Variants in PARD3B observed in about 807,000 individuals in gnomAD.
PARD3B encodes par-3 family cell polarity regulator beta.
A neutral mutation model predicts 130.2 loss-of-function variants in PARD3B; 103 were observed. The observed-to-expected ratio is 0.79, with a 90% CI of 0.67 to 0.93. The LOEUF (loss-of-function observed/expected upper bound fraction) is 0.93. Among genes scored for constraint, PARD3B ranks in the 40% least tolerant of loss-of-function variants. The pLI, the probability that PARD3B is intolerant of heterozygous loss-of-function variation, is 0.00. For missense variants in PARD3B, 1,609 were observed against 1,499.2 expected (o/e 1.07, Z -1.21); for synonymous variants, 583 against 553.2 (o/e 1.05, Z -0.76).
At chr2:205,482,822 T>A (rs1330096014) in intron 20 of PARD3B, 1 of 152,184 alleles carries the variant, frequency 6.6e-6, no homozygotes, top group Admixed American at 6.6e-5. Flanking sequence ...GACGTCACCA[T>A]GCGGCTGATT....
intron 2 of PARD3B, among the ~76,000 whole-genome samples, chr2:204,817,970 C>A (rs1228101820): frequency 6.6e-6 from 1 of 152,066 alleles, no homozygotes; most frequent in African/African-American, 2.4e-5. Flanking sequence ...TTCCTCTAGG[C>A]CAGAAGGAAA....
chr2:205,589,474 G>A lies in PARD3B; in HGVS notation c.3261-25982G>A, dbSNP rs530397209. On this transcript the variant is annotated intron_variant, in intron 22 of 22. Coordinates refer to ENST00000406610, the MANE Select transcript of PARD3B (RefSeq NM_001302769.2). The surrounding 1 kb of genome is among the most constrained non-coding windows in gnomAD (Gnocchi z 4.1). ...TGCTGTCTCTAAACAGAGAGATGCA[G>A]ACAGAGATGAGGAACTAATCAAGGT... 2.0e-5 allele frequency among the ~76,000 whole-genome samples: 3 copies of A among 152,162 alleles called. No homozygotes were observed. Among genetic ancestry groups the A allele is most frequent in the Non-Finnish European group, 4.4e-5 (3 of 68,046 alleles).
intron 2 of PARD3B, among the ~76,000 whole-genome samples, chr2:204,838,097 CA>C (rs923203327): frequency 3.6e-4 from 55 of 152,216 alleles, no homozygotes; most frequent in Admixed American, 7.9e-4. Flanking sequence ...GCTATGAAAC[CA>C]GTAAGATTCT....
At chr2:205,024,646 G>T (rs955065322) in intron 3 of PARD3B, among the ~76,000 whole-genome samples, 1 of 152,186 alleles carries the variant, frequency 6.6e-6, no homozygotes, top group African/African-American at 2.4e-5. Flanking sequence ...CTAGACCAAG[G>T]TTAGAAGAAG....
intron 2 of PARD3B, among the ~76,000 whole-genome samples, chr2:204,749,761 C>T (rs2040387753): frequency 6.6e-6 from 1 of 152,152 alleles, no homozygotes; most frequent in South Asian, 2.1e-4. Flanking sequence ...ATAATACTTT[C>T]TACACCAGCT....
intron 12 of PARD3B, among the ~76,000 whole-genome samples, chr2:205,173,472 T>C (rs1020905985): frequency 6.6e-6 from 1 of 152,230 alleles, no homozygotes; most frequent in African/African-American, 2.4e-5. Flanking sequence ...GTGTCCTTGG[T>C]TTCCGCATGT....
At chr2:204,954,219 T>A (rs1690045917) in intron 2 of PARD3B, among the ~76,000 whole-genome samples, 1 of 152,196 alleles carries the variant, frequency 6.6e-6, no homozygotes, top group Admixed American at 6.6e-5. Flanking sequence ...CAGAAGGAGT[T>A]CAGCAGCTAA....
Position 204,815,684 on chromosome 2 carries a change from A to T in PARD3B, c.222+129402A>T, listed in dbSNP as rs569798884. Among the ~76,000 whole-genome samples the T allele has an allele frequency of 1.6e-4, 24 of 152,094 alleles. No homozygotes were observed. In the East Asian group the frequency reaches 4.1e-3, roughly 26 times the overall value. On this transcript the variant is annotated intron_variant, in intron 2 of 22. Transcript: ENST00000406610. ...TTAGTTTCCTTCTAAGTGCTGCTTT[A>T]GCAGCATCCCACTGACTTTGATATG... is the stretch of plus-strand genomic sequence containing the variant.
At chr2:205,145,163 T>A (rs752194952) in intron 10 of PARD3B, among the ~76,000 whole-genome samples, 27 of 152,126 alleles carry the variant, frequency 1.8e-4, no homozygotes, top group Non-Finnish European at 3.8e-4. Context: ...ACGGCACATA[T>A]ACCTAAACTT....
chr2:205,508,464 T>A (rs1469193753), intron 21 of PARD3B, among the ~76,000 whole-genome samples: 2 of 151,144 alleles, frequency 1.3e-5, no homozygotes, highest in Non-Finnish European at 2.9e-5. Context: ...CCCAGCTACA[T>A]GAGAGGCTGA....
intron 4 of PARD3B, among the ~76,000 whole-genome samples, chr2:205,086,771 C>T (rs1418268505): frequency 6.6e-6 from 1 of 152,158 alleles, no homozygotes; most frequent in Non-Finnish European, 1.5e-5. Flanking sequence ...TGCTCCACCA[C>T]CTCTGTCAAT....
intron 2 of PARD3B, among the ~76,000 whole-genome samples, chr2:204,865,294 A>T (rs1312110957): frequency 6.6e-6 from 1 of 152,250 alleles, no homozygotes; most frequent in African/African-American, 2.4e-5. Flanking sequence ...AAAAGAAGTC[A>T]TTATACAAAA....
intron 2 of PARD3B, among the ~76,000 whole-genome samples, chr2:204,866,408 CTT>C (rs1238402433): frequency 6.6e-6 from 1 of 152,074 alleles, no homozygotes; most frequent in Admixed American, 6.6e-5. Flanking sequence ...TGTGAGCTGT[CTT>C]CTCTCCCGTT....
chr2:204,919,505 T>C (rs1347106652), intron 2 of PARD3B, among the ~76,000 whole-genome samples: 1 of 152,196 alleles, frequency 6.6e-6, no homozygotes, highest in African/African-American at 2.4e-5. Flanking sequence ...TTATATGGTA[T>C]GTATTCATTT....
chr2:205,062,863 TAAAAC>T (rs1327365599), intron 4 of PARD3B, among the ~76,000 whole-genome samples: 3 of 152,048 alleles, frequency 2.0e-5, no homozygotes, highest in Non-Finnish European at 2.9e-5. Context: ...TATAAGAAAA[TAAAAC>T]AGAGCAGATA....
chr2:205,371,981 C>T (rs1182938517), intron 18 of PARD3B, among the ~76,000 whole-genome samples: 1 of 152,166 alleles, frequency 6.6e-6, no homozygotes, highest in East Asian at 1.9e-4. Flanking sequence ...TAACATGTAT[C>T]AGTACGTGTA....
intron 20 of PARD3B, among the ~76,000 whole-genome samples, chr2:205,469,201 G>A (rs908269946): frequency 2.0e-5 from 3 of 152,008 alleles, no homozygotes; most frequent in Non-Finnish European, 2.9e-5. Flanking sequence ...AATATGTATC[G>A]AATGAATGAA....
rs1225283451 is a variant in PARD3B, at chr2:204,675,328, T to A, written c.121-10853T>A. Among the ~76,000 whole-genome samples the A allele has an allele frequency of 6.6e-6, 1 of 152,034 alleles. No homozygotes were observed. Among genetic ancestry groups the A allele is most frequent in the Non-Finnish European group, 1.5e-5 (1 of 68,012 alleles). ...TGCATCAATTATGCATTAAATATCT[T>A]TAATTTTTTTTAATTTCAGACTTTT... On this transcript the variant is annotated intron_variant, in intron 1 of 22. Transcript: ENST00000406610. This position sits in a 1 kb window ranked among gnomAD's most constrained non-coding sequence, Gnocchi z 4.4.
chr2:205,203,714 G>C (rs929389079), intron 15 of PARD3B, among the ~76,000 whole-genome samples: 2 of 152,046 alleles, frequency 1.3e-5, no homozygotes, highest in Non-Finnish European at 2.9e-5. Flanking sequence ...TTAGTTTTCT[G>C]TTCCTGTGTT....
Sources: allele counts gnomAD v4.1 joint callset (sites outside exome capture counted in the v4.1 genomes callset), GRCh38; gene constraint gnomAD v4.1.1; non-coding constraint Gnocchi (gnomAD v3.1); transcripts MANE v1.5; gene names NCBI Gene and HGNC (gene_info 2026-07-23, HGNC 2026-07-21).